The following PTK2 variants were observed in gnomAD, a reference collection of about 807,000 sequenced individuals.
PTK2 encodes the protein protein tyrosine kinase 2, also known as focal adhesion kinase 1.
Under a neutral mutation model 150.1 loss-of-function variants are expected in PTK2, and 45 were observed. The observed-to-expected ratio is 0.30, with a 90% CI of 0.24 to 0.38. The LOEUF (loss-of-function observed/expected upper bound fraction) is 0.38. Among genes scored for constraint, PTK2 ranks in the 10% least tolerant of loss-of-function variants. The pLI, the probability that PTK2 is intolerant of heterozygous loss-of-function variation, is 1.00. For synonymous variants in PTK2, 432 were observed against 449.2 expected (o/e 0.96, Z 0.48); for missense variants, 919 against 1,307.3 (o/e 0.70, Z 4.58).
At chr8:140,915,971 AAG>A in intron 2 of PTK2, among the ~76,000 whole-genome samples, 1 of 152,300 alleles carries the variant, frequency 6.6e-6, no homozygotes, top group Non-Finnish European at 1.5e-5. Context: ...ATTACATACA[AAG>A]AGGAAAAAAT....
At chr8:140,682,852 A>T (rs1279709223) in intron 27 of PTK2, among the ~76,000 whole-genome samples, 2 of 152,210 alleles carry the variant, frequency 1.3e-5, no homozygotes, top group Non-Finnish European at 2.9e-5. Flanking sequence ...CAGCTAAGGC[A>T]GTGTTAAGAA....
At position 140,756,682 on chromosome 8, in the gene PTK2, ACT is replaced by A. The variant is rs569431808; in HGVS notation, c.1333-4368_1333-4367del. On this transcript the variant is annotated intron_variant, in intron 16 of 31. Coordinates refer to ENST00000522684, the Ensembl canonical transcript of PTK2. ...CTCCAGCATGGGCAACAAGAGGGAA[ACT>A]CTGTCTCAAAAAAAAAAAAAAAAGG... is the stretch of plus-strand genomic sequence containing the variant. Among the ~76,000 whole-genome samples the A allele has an allele frequency of 4.8e-3, 636 of 132,208 alleles. 3 individuals carry two copies. Among genetic ancestry groups the A allele is most frequent in the African/African-American group, 0.017 (591 of 34,422 alleles). The allele number at this position is 132,208 out of a possible 152,430, so 86.7% of individuals were successfully genotyped here.
chr8:140,969,674 C>T lies in PTK2; in HGVS notation c.-122+31451G>A, dbSNP rs991317940. Among the ~76,000 whole-genome samples the T allele has an allele frequency of 3.3e-5, 5 of 152,186 alleles. No homozygotes were observed. The East Asian group carries it at 9.6e-4, about 29-fold the overall frequency. On this transcript the variant is annotated intron_variant, in intron 1 of 31. Coordinates refer to ENST00000522684, the Ensembl canonical transcript of PTK2. ...GCAAACTTGTCAATTCTAGAGTTCC[C>T]CAAGACTCTGTCCTTTCTCTTATTT...
chr8:140,899,516 A>G (rs2100157618), intron 2 of PTK2, among the ~76,000 whole-genome samples: 1 of 152,188 alleles, frequency 6.6e-6, no homozygotes, highest in Non-Finnish European at 1.5e-5. Context: ...TACAAAAAAC[A>G]TTTTAAGAAG....
chr8:140,865,860 T>G (rs1362559689), intron 4 of PTK2, among the ~76,000 whole-genome samples: 1 of 152,186 alleles, frequency 6.6e-6, no homozygotes, highest in African/African-American at 2.4e-5. Context: ...CTCGGCTCAC[T>G]GCAACCTCCG....
Position 140,890,697 on chromosome 8 carries a change from GGT to G in PTK2, c.39_40del (p.Pro14LysfsTer5). ...CAGGTGAGTCTTAGTACTCGAATTT[GGT>G]GTGTGATTCAAGTTGGGGTCAAGGT... On this transcript the variant is annotated frameshift_variant, in exon 3 of 32. Coordinates refer to ENST00000522684, the Ensembl canonical transcript of PTK2. LOFTEE classifies it high-confidence loss of function. 6.2e-7 allele frequency: 1 copy of G among 1,614,044 alleles called. No homozygotes were observed. The highest frequency in any genetic ancestry group is 8.5e-7 in the Non-Finnish European group (1 of 1,179,996).
intron 24 of PTK2, among the ~76,000 whole-genome samples, chr8:140,705,632 C>T (rs1040206589): frequency 6.6e-6 from 1 of 152,220 alleles, no homozygotes; most frequent in Non-Finnish European, 1.5e-5. Flanking sequence ...TTCTCAAAAA[C>T]AAATGAATTG....
intron 5 of PTK2, among the ~76,000 whole-genome samples, chr8:140,860,311 T>C (rs148740281): frequency 5.4e-4 from 83 of 152,324 alleles, no homozygotes; most frequent in African/African-American, 1.9e-3. Flanking sequence ...AATAAATTCA[T>C]AAAAGTAGAA....
At chr8:140,962,257 A>AAGGGAAGAAGGG (rs1265787189) in intron 1 of PTK2, among the ~76,000 whole-genome samples, 7 of 123,672 alleles carry the variant, frequency 5.7e-5, no homozygotes, top group Non-Finnish European at 8.9e-5. Context: ...GGAAGGGAGG[A>AAGGGAAGAAGGG]AGGGAAGAAG....
intron 14 of PTK2, among the ~76,000 whole-genome samples, chr8:140,768,286 C>A (rs1317206842): frequency 1.3e-5 from 2 of 152,204 alleles, no homozygotes; most frequent in Non-Finnish European, 2.9e-5. Context: ...AAGTGACTAC[C>A]CTTAAGGCTC....
At chr8:140,744,443 T>A (rs908770756) in intron 19 of PTK2, among the ~76,000 whole-genome samples, 3 of 152,188 alleles carry the variant, frequency 2.0e-5, no homozygotes, top group African/African-American at 7.2e-5. Context: ...GGCATCTCAC[T>A]CTGATAGGAC....
chr8:140,893,322 AAAC>A, intron 2 of PTK2, among the ~76,000 whole-genome samples: 1 of 152,326 alleles, frequency 6.6e-6, no homozygotes, highest in Admixed American at 6.5e-5. Context: ...AAACAAAATG[AAAC>A]ACCCTCACAT....
At chr8:140,969,381 G>GCA (rs1569521692) in intron 1 of PTK2, among the ~76,000 whole-genome samples, 1 of 152,084 alleles carries the variant, frequency 6.6e-6, no homozygotes, top group Non-Finnish European at 1.5e-5. Context: ...CTATAAACAA[G>GCA]CACACACACA....
chr8:140,848,128 G>A (rs554870577), intron 5 of PTK2, among the ~76,000 whole-genome samples: 6 of 152,310 alleles, frequency 3.9e-5, no homozygotes, highest in African/African-American at 1.4e-4. Context: ...TCTGGAAATT[G>A]AACAATGCAT....
chr8:140,743,458 T>C (rs1287207774), intron 19 of PTK2, 128 bp from the exon 23 acceptor site: 2 of 526,658 alleles, frequency 3.8e-6, no homozygotes, highest in Non-Finnish European at 6.6e-6. Context: ...GATTATATGA[T>C]ATTTATTATA....
Position 140,770,726 on chromosome 8 carries a change from A to C in PTK2, c.1178-6436T>G, listed in dbSNP as rs764631654. 1.0e-5 allele frequency: 14 copies of C among 1,343,088 alleles called. No homozygotes were observed. In the South Asian group the frequency reaches 1.6e-4, roughly 15 times the overall value. The allele number at this position is 1,343,088 out of a possible 1,614,324, so 83.2% of individuals were successfully genotyped here. On this transcript the variant is annotated intron_variant, in intron 14 of 31. Coordinates refer to ENST00000522684, the Ensembl canonical transcript of PTK2. The stretch of plus-strand genomic sequence containing the variant: ...ATATGAGTGCAGTACCCGTAGAAGG[A>C]GGATCATGGGAACAGAAGACCAAAG...
intron 5 of PTK2, among the ~76,000 whole-genome samples, chr8:140,849,183 A>C (rs1035926968): frequency 8.5e-5 from 13 of 152,168 alleles, no homozygotes; most frequent in African/African-American, 3.1e-4. Context: ...GATGTGATCA[A>C]AGTATTCTGC....
At chr8:140,931,070 CA>C (rs34438579) in intron 1 of PTK2, among the ~76,000 whole-genome samples, 48,640 of 111,372 alleles carry the variant, frequency 0.44, 8,901 homozygotes, top group Middle Eastern at 0.54. Flanking sequence ...GACTCTGTCT[CA>C]AAAAAAAAAA....
At chr8:140,670,444 G>A (rs1463671796) in intron 29 of PTK2, among the ~76,000 whole-genome samples, 4 of 106,530 alleles carry the variant, frequency 3.8e-5, no homozygotes, top group Middle Eastern at 9.3e-3. Context: ...GTGACAGAGC[G>A]ACACTGTGTC....
Sources: gnomAD v4.1 joint callset for allele counts (sites outside exome capture counted in the v4.1 genomes callset) on GRCh38, gnomAD v4.1.1 for gene constraint, MANE v1.5 for transcripts, NCBI Gene and HGNC (gene_info 2026-07-23, HGNC 2026-07-21) for gene names.